MLLT3: variants seen among roughly 807,000 people sequenced by gnomAD.
MLLT3 encodes MLLT3 super elongation complex subunit.
MLLT3 carries 4 observed loss-of-function variants against 53.2 expected under a neutral mutation model. The observed-to-expected ratio is 0.08, with a 90% confidence interval of 0.04 to 0.17. The LOEUF is 0.17. MLLT3 is among the 10% of genes least tolerant of loss of function. The pLI, the probability that MLLT3 is intolerant of heterozygous loss-of-function variation, is 1.00. For missense variants in MLLT3, 569 were observed against 684.0 expected, an observed-to-expected ratio of 0.83 and a Z score of 1.87; for synonymous variants, 283 against 230.6, an observed-to-expected ratio of 1.23 and a Z score of -2.06.
chr9:20,396,464 C>T (rs1186770515), intron 5 of MLLT3, among the ~76,000 whole-genome samples: 1 of 152,096 alleles, frequency 6.6e-6, no homozygotes, highest in Non-Finnish European at 1.5e-5. Flanking sequence ...CCCCAGATCA[C>T]AGAGCTAGTT....
In MLLT3 at chr9:20,344,560, C is replaced by G. The variant is rs539245251; in HGVS notation, c.*1883G>C. ...GACAATACAACAAATGCTTCAAGTACGGTTCATGCCAATCGTCATTAAGAA... is the reference window on the plus strand; with the variant it reads ...GACAATACAACAAATGCTTCAAGTAGGGTTCATGCCAATCGTCATTAAGAA... On this transcript the variant is annotated 3_prime_UTR_variant, in exon 11 of 11. Coordinates refer to ENST00000380338, the MANE Select transcript of MLLT3 (RefSeq NM_004529.4). 1 of 214,368 alleles carries G rather than the reference C, an allele frequency of 4.7e-6. No homozygotes were observed. Among genetic ancestry groups the G allele is most frequent in the Non-Finnish European group, 9.4e-6 (1 of 106,030 alleles). The allele number at this position is 214,368 out of a possible 1,614,324, so 13.3% of individuals were successfully genotyped here. A position where few individuals can be genotyped will look rare whatever the true frequency, so the allele number is the denominator to read the frequency against.
At chr9:20,586,203 C>G (rs1330677593) in intron 2 of MLLT3, among the ~76,000 whole-genome samples, 1 of 151,728 alleles carries the variant, frequency 6.6e-6, no homozygotes, top group Non-Finnish European at 1.5e-5. Flanking sequence ...GCCTGTAGTC[C>G]CAGCTACTCT....
At chr9:20,365,630 T>G (rs1335431238) in intron 6 of MLLT3, 39 bp downstream of exon 6, 7 of 1,612,008 alleles carry the variant, frequency 4.3e-6, no homozygotes, top group Non-Finnish European at 5.1e-6. Context: ...AGGTGTTTTA[T>G]GAGAAAAGCA....
chr9:20,424,965 GCTTT>G (rs1183618124), intron 4 of MLLT3, among the ~76,000 whole-genome samples: 1 of 152,140 alleles, frequency 6.6e-6, no homozygotes, highest in African/African-American at 2.4e-5. Flanking sequence ...CTATGTGAGT[GCTTT>G]CTATTACTAC....
At position 20,345,584 on chromosome 9, in the gene MLLT3, T is replaced by C. The variant is rs1820845345; in HGVS notation, c.*859A>G. 9.7e-6 allele frequency: 2 copies of C among 205,896 alleles called. No individual in the cohort carries two copies. Among genetic ancestry groups the C allele is most frequent in the Admixed American group, 6.0e-5 (1 of 16,754 alleles). The allele number at this position is 205,896 out of a possible 1,614,324, so 12.8% of individuals were successfully genotyped here. The stretch of plus-strand genomic sequence containing the variant: ...AGTAAAACAGACACAAGAATGTTGA[T>C]GACAGCTCAACAATGCTGGATTCAG... On this transcript the variant is annotated 3_prime_UTR_variant, in exon 11 of 11. Transcript: ENST00000380338.
chr9:20,531,892 T>C (rs1563804107), intron 2 of MLLT3, among the ~76,000 whole-genome samples: 1 of 152,028 alleles, frequency 6.6e-6, no homozygotes, highest in East Asian at 1.9e-4. Flanking sequence ...TTATTTAATA[T>C]AAACTAAAAT....
rs770761272 is a variant in MLLT3, at chr9:20,621,796, G to C, written c.12+449C>G. 1 of 1,457,832 alleles carries C rather than the reference G, an allele frequency of 6.9e-7. No homozygotes were observed. Among genetic ancestry groups the C allele is most frequent in the South Asian group, 1.4e-5 (1 of 73,250 alleles). The allele number at this position is 1,457,832 out of a possible 1,614,324, so 90.3% of individuals were successfully genotyped here. A position where few individuals can be genotyped will look rare whatever the true frequency, so the allele number is the denominator to read the frequency against. On this transcript the variant is annotated intron_variant, in intron 1 of 10. Transcript: ENST00000380338. The surrounding 1 kb of genome is among the most constrained non-coding windows in gnomAD (Gnocchi z 7.0). The stretch of plus-strand genomic sequence containing the variant: ...ACCATCGTAGCGGCCGCGGCGCTTT[G>C]CGGAGGTGCGGCCGCCGAGGCTGCT...
chr9:20,575,042 T>C (rs1401947385), intron 2 of MLLT3, among the ~76,000 whole-genome samples: 1 of 152,214 alleles, frequency 6.6e-6, no homozygotes, highest in Non-Finnish European at 1.5e-5. Context: ...TCTGTTCAAA[T>C]TTTATCATGA....
intron 4 of MLLT3, among the ~76,000 whole-genome samples, chr9:20,416,803 A>C (rs1822882272): frequency 6.6e-6 from 1 of 152,152 alleles, no homozygotes; most frequent in African/African-American, 2.4e-5. Context: ...CACATTCCAT[A>C]ACAATGTCTT....
chr9:20,455,379 C>T (rs118174311), intron 3 of MLLT3, among the ~76,000 whole-genome samples: 1 of 152,358 alleles, frequency 6.6e-6, no homozygotes, highest in East Asian at 1.9e-4. Flanking sequence ...CAGTGTGACA[C>T]TGTTCCAGTG....
At chr9:20,564,335 A>G (rs866038875) in intron 2 of MLLT3, among the ~76,000 whole-genome samples, 6 of 152,136 alleles carry the variant, frequency 3.9e-5, no homozygotes, top group Non-Finnish European at 7.4e-5. Flanking sequence ...GAAAATGAGG[A>G]GACTTAGAAA....
intron 2 of MLLT3, among the ~76,000 whole-genome samples, chr9:20,549,626 T>G (rs1267602793): frequency 1.3e-5 from 2 of 152,212 alleles, no homozygotes; most frequent in African/African-American, 4.8e-5. Context: ...GCGGAAGACC[T>G]AAGGTTTGAA....
intron 5 of MLLT3, among the ~76,000 whole-genome samples, chr9:20,378,059 T>C (rs1399901342): frequency 6.6e-6 from 1 of 152,120 alleles, no homozygotes; most frequent in Non-Finnish European, 1.5e-5. Context: ...CATAGATGTG[T>C]GTAAGATAAT....
At chr9:20,539,847 T>A (rs1818580596) in intron 2 of MLLT3, among the ~76,000 whole-genome samples, 1 of 152,176 alleles carries the variant, frequency 6.6e-6, no homozygotes, top group South Asian at 2.1e-4. Flanking sequence ...CAAAGTCTCA[T>A]CTGAGATAAG....
chr9:20,600,965 AGG>A (rs768740307), intron 2 of MLLT3, among the ~76,000 whole-genome samples: 13 of 152,252 alleles, frequency 8.5e-5, no homozygotes, highest in Middle Eastern at 6.8e-3. Flanking sequence ...ACAAAGCCCC[AGG>A]GGTCCCTAAG....
At chr9:20,595,515 T>C (rs1301329850) in intron 2 of MLLT3, among the ~76,000 whole-genome samples, 2 of 152,246 alleles carry the variant, frequency 1.3e-5, no homozygotes, top group African/African-American at 2.4e-5. Flanking sequence ...ATATAAAATT[T>C]TGTCAAAACC....
At chr9:20,404,641 A>G (rs536838041) in intron 5 of MLLT3, among the ~76,000 whole-genome samples, 22 of 152,278 alleles carry the variant, frequency 1.4e-4, no homozygotes, top group African/African-American at 4.8e-4. Flanking sequence ...AGTGGCTAGG[A>G]GTACAGGCGT....
Position 20,565,909 on chromosome 9 carries a change from AATATATATATATTTAT to A in MLLT3, c.193+54729_193+54744del, listed in dbSNP as rs1280862130. Among the ~76,000 whole-genome samples the A allele has an allele frequency of 3.2e-3, 402 of 126,412 alleles. 4 individuals are homozygous for A. The highest frequency in any genetic ancestry group is 1.0e-2 in the East Asian group (48 of 4,812). 82.9% of individuals were successfully genotyped at this position (126,412 alleles called of 152,430 possible). On this transcript the variant is annotated intron_variant, in intron 2 of 10. Transcript: ENST00000380338. Reference sequence around the variant, plus strand: ...CCTCCTTCCTCCTACTCAAGGAAAAAATATATATATATTTATATATATATATATTTATATATATATA... The same window carrying A: ...CCTCCTTCCTCCTACTCAAGGAAAAAATATATATATATTTATATATATATA...
At chr9:20,398,560 C>T (rs1241082893) in intron 5 of MLLT3, among the ~76,000 whole-genome samples, 4 of 152,010 alleles carry the variant, frequency 2.6e-5, no homozygotes, top group East Asian at 1.9e-4. Flanking sequence ...GCATTTTACC[C>T]GTTCCAATAA....
Sources: gnomAD v4.1 joint callset for allele counts (sites outside exome capture counted in the v4.1 genomes callset) on GRCh38, gnomAD v4.1.1 for gene constraint, Gnocchi (gnomAD v3.1) non-coding constraint, MANE v1.5 for transcripts, NCBI Gene and HGNC (gene_info 2026-07-23, HGNC 2026-07-21) for gene names.